SPATA9: variants seen among roughly 807,000 people sequenced by gnomAD.
The protein encoded by SPATA9 is spermatogenesis-associated protein 9.
Under a neutral mutation model 25.5 loss-of-function variants are expected in SPATA9, and 27 were observed. That is an observed-to-expected ratio of 1.06 (90% CI 0.78 to 1.46). The LOEUF (loss-of-function observed/expected upper bound fraction) is 1.46. SPATA9 is among the 40% of genes most tolerant of loss of function. The pLI is 0.00. For synonymous variants in SPATA9, 102 were observed against 105.7 expected, an observed-to-expected ratio of 0.97 and a Z score of 0.21; for missense variants, 282 against 297.5, an observed-to-expected ratio of 0.95 and a Z score of 0.38.
At chr5:95,723,512 C>CT in the SPATA9 span, among the ~76,000 whole-genome samples, 2 of 152,220 alleles carry the variant, frequency 1.3e-5, no homozygotes, top group Non-Finnish European at 2.9e-5. Flanking sequence ...CTTAGTTACT[C>CT]TCATGAAGTA....
chr5:95,702,958 T>C (rs1211015340), upstream of SPATA9, among the ~76,000 whole-genome samples: 1 of 152,242 alleles, frequency 6.6e-6, no homozygotes, highest in Non-Finnish European at 1.5e-5. Context: ...ATAGTTTGCA[T>C]TGACTTCATT....
chr5:95,655,149 G>A (rs984811383), downstream of SPATA9, among the ~76,000 whole-genome samples: 2 of 152,246 alleles, frequency 1.3e-5, no homozygotes, highest in East Asian at 1.9e-4. Context: ...GTTAAAGAAC[G>A]TATGTGTGTT....
intron 4 of SPATA9, among the ~76,000 whole-genome samples, chr5:95,661,457 A>C (rs970433158): frequency 1.3e-5 from 2 of 152,090 alleles, no homozygotes; most frequent in Admixed American, 6.6e-5. Context: ...ATTTGTTTCT[A>C]TTACCTGCTT....
At chr5:95,709,623 T>C in the SPATA9 span, among the ~76,000 whole-genome samples, 1 of 152,126 alleles carries the variant, frequency 6.6e-6, no homozygotes, top group Non-Finnish European at 1.5e-5. Flanking sequence ...GCAGCCCGTA[T>C]CAAGGGATGA....
chr5:95,664,918 A>C (rs1442702810), intron 3 of SPATA9, among the ~76,000 whole-genome samples: 1 of 152,186 alleles, frequency 6.6e-6, no homozygotes, highest in Non-Finnish European at 1.5e-5. Context: ...AAAGAGTTAT[A>C]ACATTGAAAA....
the SPATA9 span, among the ~76,000 whole-genome samples, chr5:95,721,567 G>T: frequency 2.0e-5 from 3 of 151,932 alleles, no homozygotes; most frequent in Non-Finnish European, 4.4e-5. Context: ...TTACACAAAT[G>T]CATATGTTTT....
In SPATA9 at chr5:95,658,437, C is replaced by CTG; in HGVS notation, c.*185_*186insCA. On this transcript the variant is annotated 3_prime_UTR_variant, in exon 5 of 5. Transcript: ENST00000274432. ...GTATGTAGTCAGTACATATATTCCA[C>CTG]ATCAATATTCATTTTATTTACTCTA... 1 of 584,864 alleles carries CTG rather than the reference C, an allele frequency of 1.7e-6. No homozygotes were observed. Among genetic ancestry groups the CTG allele is most frequent in the Non-Finnish European group, 2.6e-6 (1 of 379,620 alleles). 36.2% of individuals were successfully genotyped at this position (584,864 alleles called of 1,614,324 possible). A position where few individuals can be genotyped will look rare whatever the true frequency, so the allele number is the denominator to read the frequency against.
chr5:95,711,765 G>T, the SPATA9 span, among the ~76,000 whole-genome samples: 1 of 152,258 alleles, frequency 6.6e-6, no homozygotes, highest in Non-Finnish European at 1.5e-5. Context: ...GAGGACTTTG[G>T]AGGTGGAATT....
chr5:95,679,100 T>C (rs957729513), intron 2 of SPATA9, among the ~76,000 whole-genome samples: 2 of 152,212 alleles, frequency 1.3e-5, no homozygotes, highest in African/African-American at 4.8e-5. Flanking sequence ...GTTCTAATGA[T>C]AATGAGGCTA....
intron 3 of SPATA9, among the ~76,000 whole-genome samples, chr5:95,669,701 TG>T (rs1280656114): frequency 6.6e-6 from 1 of 152,190 alleles, no homozygotes; most frequent in Non-Finnish European, 1.5e-5. Flanking sequence ...TGACGTGTCT[TG>T]GCTGAAGTCA....
intron 1 of SPATA9, among the ~76,000 whole-genome samples, chr5:95,691,762 ATG>A (rs1216085128): frequency 2.0e-5 from 3 of 152,176 alleles, no homozygotes; most frequent in African/African-American, 7.2e-5. Flanking sequence ...AGGATCACCT[ATG>A]TTGTTCCTGT....
intron 2 of SPATA9, 43 bp from the exon 3 acceptor site, chr5:95,675,682 A>G (rs752966309): frequency 3.9e-6 from 6 of 1,551,428 alleles, no homozygotes; most frequent in Non-Finnish European, 5.3e-6. Flanking sequence ...TGTAATCTCC[A>G]GTGCATTATT....
chr5:95,695,528 G>A (rs1753995811), intron 1 of SPATA9, among the ~76,000 whole-genome samples: 1 of 152,192 alleles, frequency 6.6e-6, no homozygotes, highest in African/African-American at 2.4e-5. Flanking sequence ...GACCCAGGAG[G>A]TGGAGGTTGC....
chr5:95,666,395 T>C (rs948314519), intron 3 of SPATA9, among the ~76,000 whole-genome samples: 17 of 152,190 alleles, frequency 1.1e-4, no homozygotes, highest in Admixed American at 3.9e-4. Context: ...TTGGACAAAT[T>C]AATTCTTTCC....
chr5:95,675,947 G>A (rs952722107), intron 2 of SPATA9, among the ~76,000 whole-genome samples: 3 of 149,374 alleles, frequency 2.0e-5, no homozygotes, highest in Admixed American at 1.4e-4. Flanking sequence ...TCAGCCTCCC[G>A]AGTAACTGGG....
At chr5:95,666,423 T>G (rs1296555993) in intron 3 of SPATA9, among the ~76,000 whole-genome samples, 2 of 152,236 alleles carry the variant, frequency 1.3e-5, no homozygotes, top group Non-Finnish European at 2.9e-5. Flanking sequence ...TTTGTTTCCC[T>G]CATCTCCAAA....
chr5:95,705,378 C>T, the SPATA9 span, among the ~76,000 whole-genome samples: 2 of 152,084 alleles, frequency 1.3e-5, no homozygotes, highest in African/African-American at 4.8e-5. Flanking sequence ...TAATTTAATC[C>T]ATAGCATATA....
the SPATA9 span, among the ~76,000 whole-genome samples, chr5:95,723,132 T>C: frequency 0.057 from 8,704 of 152,000 alleles, 844 homozygotes; most frequent in African/African-American, 0.2. Flanking sequence ...GAAAAAGAAT[T>C]GTCTTGGGCC....
the SPATA9 span, among the ~76,000 whole-genome samples, chr5:95,706,849 T>TAA: frequency 6.8e-6 from 1 of 146,174 alleles, no homozygotes; most frequent in Non-Finnish European, 1.5e-5. Context: ...TATATATATA[T>TAA]AATTTTGTAT....
Sources: allele counts gnomAD v4.1 joint callset (sites outside exome capture counted in the v4.1 genomes callset), GRCh38; gene constraint gnomAD v4.1.1; transcripts MANE v1.5; gene names NCBI Gene and HGNC (gene_info 2026-07-23, HGNC 2026-07-21).